Variants in SSC5D observed in about 807,000 individuals in gnomAD.
SSC5D encodes the protein soluble scavenger receptor cysteine-rich domain-containing protein SSC5D.
In SSC5D, 106 loss-of-function variants were observed where a neutral mutation model predicts 104.6. That is an observed-to-expected ratio of 1.01 (90% confidence interval 0.87 to 1.19). SSC5D has a LOEUF of 1.19. SSC5D is among the 50% of genes most tolerant of loss of function. The pLI, the probability that SSC5D is intolerant of heterozygous loss-of-function variation, is 0.00. For missense variants in SSC5D, 1,993 were observed against 2,153.8 expected (o/e 0.93, Z 1.48); for synonymous variants, 860 against 883.5 (o/e 0.97, Z 0.47).
chr19:55,516,106 A>G (rs1047512527), intron 13 of SSC5D, among the ~76,000 whole-genome samples: 1 of 152,138 alleles, frequency 6.6e-6, no homozygotes, highest in Non-Finnish European at 1.5e-5. Flanking sequence ...GGGTGCCCAA[A>G]ACGCCAAAAT....
intron 8 of SSC5D, among the ~76,000 whole-genome samples, chr19:55,496,257 G>A (rs1010676605): frequency 7.2e-5 from 11 of 152,168 alleles, no homozygotes; most frequent in African/African-American, 2.4e-4. Context: ...GTTTGCACAC[G>A]AAAGGCATGC....
At chr19:55,497,750 G>C in intron 8 of SSC5D, 130 bp from the exon 9 acceptor site, 2 of 902,284 alleles carry the variant, frequency 2.2e-6, no homozygotes, top group Non-Finnish European at 3.2e-6. Context: ...CTGGAGGAAA[G>C]GATGGATGAA....
At chr19:55,498,282 G>T in intron 9 of SSC5D, 85 bp downstream of exon 9, 1 of 1,408,410 alleles carries the variant, frequency 7.1e-7, no homozygotes, top group East Asian at 2.5e-5. Flanking sequence ...CATTGATTGA[G>T]TGCTTCCTAA....
Position 55,510,321 on chromosome 19 carries a change from C to A in SSC5D, c.2786-2690C>A, listed in dbSNP as rs10414244. 5.4e-3 allele frequency among the ~76,000 whole-genome samples: 814 copies of A among 150,812 alleles called. 5 individuals are homozygous for A. Among genetic ancestry groups the A allele is most frequent in the African/African-American group, 0.019 (788 of 41,072 alleles). On this transcript the variant is annotated intron_variant, in intron 12 of 13. Coordinates refer to ENST00000389623, the MANE Select transcript of SSC5D (RefSeq NM_001144950.2). ...GCTTGATTTGTGTTCTTCATGGAGT[C>A]TTCCTAAAACCCAACATCTTGAAAA...
intron 8 of SSC5D, among the ~76,000 whole-genome samples, chr19:55,496,844 G>A (rs192565436): frequency 3.8e-4 from 58 of 150,918 alleles, no homozygotes; most frequent in African/African-American, 1.2e-3. Flanking sequence ...TCCGCCTCCC[G>A]GTTCAAGCGA....
chr19:55,511,461 G>A (rs569299865), intron 12 of SSC5D, among the ~76,000 whole-genome samples: 3 of 152,306 alleles, frequency 2.0e-5, no homozygotes, highest in South Asian at 4.1e-4. Context: ...AATTCGGGGT[G>A]GGGGCGGCAG....
intron 6 of SSC5D, among the ~76,000 whole-genome samples, chr19:55,493,371 G>A (rs974835209): frequency 1.8e-5 from 2 of 113,418 alleles, no homozygotes; most frequent in Admixed American, 8.4e-5. Context: ...AGCTCCCAGC[G>A]TCCCCAGCCC....
rs1408262482 is a variant in SSC5D, at chr19:55,517,327, C to T, written c.3051C>T (p.Pro1017=). 6.5e-7 allele frequency: 1 copy of T among 1,550,066 alleles called. No homozygotes were observed. Among genetic ancestry groups the T allele is most frequent in the Non-Finnish European group, 8.7e-7 (1 of 1,146,890 alleles). The change falls in exon 14 of 14, where the codon CCC becomes CCT. Residue 1017 remains proline (P), a synonymous_variant. Coordinates refer to ENST00000389623, the MANE Select transcript of SSC5D (RefSeq NM_001144950.2). ...PSPGPSASPG[P]PGPALTSDSS... The stretch of plus-strand genomic sequence containing the variant: ...CAGGTCCCTCCGCCTCTCCGGGACC[C>T]CCAGGCCCAGCGCTGACCTCTGACT...
In SSC5D at chr19:55,500,232, C is replaced by T. The variant is rs945743306; in HGVS notation, c.2122C>T (p.Arg708Trp). The change falls in exon 10 of 14, where the codon CGG (arginine) becomes TGG (tryptophan). Residue 708 changes from arginine (R) to tryptophan (W), a missense_variant. Arg to Trp is a moderately radical substitution (Grantham distance 101). Transcript: ENST00000389623. This position sits in a 1 kb window ranked among gnomAD's most constrained non-coding sequence, Gnocchi z 4.6. ...ATLTPQAPRERTTKTMAMLTT... is the reference protein window; with the variant it reads ...ATLTPQAPREWTTKTMAMLTT... ...GCTGACCCCTCAGGCCCCCCGAGAA[C>T]GGACCACTAAGACCATGGCAATGCT... is the stretch of plus-strand genomic sequence containing the variant. 4.1e-5 allele frequency: 63 copies of T among 1,551,390 alleles called. 1 individual carries two copies. The Middle Eastern group carries it at 8.3e-4, about 20-fold the overall frequency.
rs185597506 is a variant in SSC5D, at chr19:55,513,081, C to T, written c.2856C>T (p.Thr952=). 1.3e-6 allele frequency: 2 copies of T among 1,551,188 alleles called. No homozygotes were observed. Among genetic ancestry groups the T allele is most frequent in the Non-Finnish European group, 1.7e-6 (2 of 1,146,700 alleles). ...TPSGRGLAEG[T]PTAGKLGPTL... ...CAGGAAGGGGCCTGGCTGAGGGGAC[C>T]CCTACCGCAGGCAAACTAGGACCAA... The change falls in exon 13 of 14, where the codon ACC becomes ACT. Residue 952 remains threonine, a synonymous_variant. Coordinates refer to ENST00000389623, the MANE Select transcript of SSC5D (RefSeq NM_001144950.2).
At chr19:55,507,221 G>A (rs1237404362) in intron 12 of SSC5D, among the ~76,000 whole-genome samples, 3 of 150,738 alleles carry the variant, frequency 2.0e-5, no homozygotes, top group African/African-American at 7.3e-5. Flanking sequence ...GCGTGCTCCT[G>A]TAGTTCCAGC....
chr19:55,499,878 A>G lies in SSC5D; in HGVS notation c.1768A>G (p.Arg590Gly), dbSNP rs1987425506. Residue 590 changes from arginine (R) to glycine (G), a missense_variant, in exon 10 of 14, where the codon AGA (arginine) becomes GGA (glycine). Transcript: ENST00000389623. ...CTGGAGCTGGATTCCTGGACTGGGG[A>G]GAGATCGGGATGCCTGGCTCCCGGG... Reference protein sequence around the residue: ...FSWSWIPGLGRDRDAWLPGEL... With the variant: ...FSWSWIPGLGGDRDAWLPGEL... 1 of 1,551,520 alleles carries G rather than the reference A, an allele frequency of 6.4e-7. No individual in the cohort carries two copies. The highest frequency in any genetic ancestry group is 2.4e-5 in the East Asian group (1 of 40,884).
chr19:55,494,982 G>A (rs919040691), intron 8 of SSC5D, among the ~76,000 whole-genome samples, 199 bp downstream of exon 8: 2 of 151,856 alleles, frequency 1.3e-5, no homozygotes, highest in South Asian at 2.1e-4. Flanking sequence ...TGAACAAGGG[G>A]TCCTAACTTT....
Position 55,491,080 on chromosome 19 carries a change from G to A in SSC5D, c.895G>A (p.Gly299Ser), listed in dbSNP as rs780924679. The A allele has an allele frequency of 2.3e-5, 36 of 1,547,180 alleles. No individual in the cohort carries two copies. The highest frequency in any genetic ancestry group is 4.9e-5 in the East Asian group (2 of 40,800). The change falls in exon 6 of 14, where the codon GGC becomes AGC. Residue 299 changes from glycine to serine, a missense_variant and splice_region_variant. This residue lies in a region of SSC5D where 1,101 missense variants were observed against 1,085.0 expected (regional missense o/e 1.01). Transcript: ENST00000389623. ...CGAGGATGCGGGGCTGGTCTGCACCGGTACGTCGGGCTGGGGCCTGGCCCC... is the reference window on the plus strand; with the variant it reads ...CGAGGATGCGGGGCTGGTCTGCACCAGTACGTCGGGCTGGGGCCTGGCCCC... ...HSEDAGLVCT[G>S]PAPRLRLADG...
intron 12 of SSC5D, 65 bp from the exon 13 acceptor site, chr19:55,512,946 A>T: frequency 1.3e-6 from 2 of 1,542,624 alleles, no homozygotes; most frequent in Non-Finnish European, 1.8e-6. Context: ...CCAGGAGGAG[A>T]GAGACGGGGA....
rs1987439517 is a variant in SSC5D, at chr19:55,500,120, T to C, written c.2010T>C (p.Thr670=). Residue 670 remains threonine (T), a synonymous_variant, in exon 10 of 14, where the codon ACT becomes ACC. Coordinates refer to ENST00000389623, the MANE Select transcript of SSC5D (RefSeq NM_001144950.2). The surrounding 1 kb of genome is among the most constrained non-coding windows in gnomAD (Gnocchi z 4.6). ...CACAGACCACTGCAGCACTGACCACTGAGGCCTCCCGAAGACCTACCTCTG... is the reference window on the plus strand; with the variant it reads ...CACAGACCACTGCAGCACTGACCACCGAGGCCTCCCGAAGACCTACCTCTG... The part of the protein sequence containing the change: ...LTSQTTAALT[T]EASRRPTSEF... 1 of 1,550,990 alleles carries C rather than the reference T, an allele frequency of 6.4e-7. No homozygotes were observed. The highest frequency in any genetic ancestry group is 8.7e-7 in the Non-Finnish European group (1 of 1,146,724).
intron 12 of SSC5D, among the ~76,000 whole-genome samples, chr19:55,501,947 G>T (rs1987515616): frequency 1.3e-5 from 2 of 152,038 alleles, no homozygotes; most frequent in Non-Finnish European, 2.9e-5. Context: ...GTATTGCCCA[G>T]GATGGAGTGC....
chr19:55,489,057 T>TGGGCGG, intron 2 of SSC5D, 25 bp downstream of exon 2: 13 of 1,247,928 alleles, frequency 1.0e-5, no homozygotes, highest in Admixed American at 4.0e-5. Context: ...TCCTCCCATC[T>TGGGCGG]GCCCGCCCCC....
At chr19:55,507,681 A>G (rs979247233) in intron 12 of SSC5D, among the ~76,000 whole-genome samples, 4 of 151,230 alleles carry the variant, frequency 2.6e-5, no homozygotes, top group African/African-American at 4.8e-5. Context: ...AAAAAAAAAA[A>G]AAAAAAAGAA....
Sources: gnomAD v4.1 joint callset for allele counts (sites outside exome capture counted in the v4.1 genomes callset) on GRCh38, gnomAD v4.1.1 for gene constraint, gnomAD v4.1.1 regional missense constraint, Gnocchi (gnomAD v3.1) non-coding constraint, MANE v1.5 for transcripts, NCBI Gene and HGNC (gene_info 2026-07-23, HGNC 2026-07-21) for gene names.